COL5A2: variants seen among roughly 807,000 people sequenced by gnomAD.
The protein encoded by COL5A2 is collagen type V alpha 2 chain, also known as collagen alpha-2(V) chain.
Under a neutral mutation model 208.2 loss-of-function variants are expected in COL5A2, and 23 were observed. The ratio of observed to expected loss-of-function variants is 0.11; its 90% confidence interval spans 0.08 to 0.16. The LOEUF is 0.16. Ranked by LOEUF, COL5A2 falls within the 10% of genes least tolerant of loss-of-function variation. The probability of loss-of-function intolerance (pLI) is 1.00; values close to 1 mark genes in which losing one functional copy is unlikely to be tolerated. For missense variants in COL5A2, 1,590 were observed against 1,956.4 expected, an observed-to-expected ratio of 0.81 and a Z score of 3.53; for synonymous variants, 625 against 628.5, an observed-to-expected ratio of 0.99 and a Z score of 0.08.
the COL5A2 span, among the ~76,000 whole-genome samples, chr2:189,237,317 T>C: frequency 3.2e-3 from 483 of 151,788 alleles, 3 homozygotes; most frequent in African/African-American, 0.011. Context: ...TTATTGTTCT[T>C]TCAATTTTAT....
At chr2:189,159,406 T>G (rs762726847) in intron 1 of COL5A2, among the ~76,000 whole-genome samples, 21 of 152,186 alleles carry the variant, frequency 1.4e-4, no homozygotes, top group Non-Finnish European at 2.8e-4. Context: ...AAGCACTCAA[T>G]AAATATTTGG....
the COL5A2 span, among the ~76,000 whole-genome samples, chr2:189,354,865 T>C: frequency 6.6e-6 from 1 of 152,226 alleles, no homozygotes; most frequent in Non-Finnish European, 1.5e-5. Context: ...CTTTTAATTG[T>C]GATGTTAGGG....
the COL5A2 span, among the ~76,000 whole-genome samples, chr2:189,319,915 C>T: frequency 3.3e-5 from 5 of 152,300 alleles, no homozygotes; most frequent in South Asian, 2.1e-4. Context: ...GGCACCCCCC[C>T]AGTAGGGGCA....
intron 1 of COL5A2, among the ~76,000 whole-genome samples, chr2:189,141,939 T>C (rs1233032585): frequency 1.3e-5 from 2 of 152,130 alleles, no homozygotes; most frequent in South Asian, 2.1e-4. Context: ...ATTTAAGATG[T>C]TTTATGGATA....
chr2:189,250,999 C>T, the COL5A2 span, among the ~76,000 whole-genome samples: 1 of 152,110 alleles, frequency 6.6e-6, no homozygotes, highest in East Asian at 1.9e-4. Context: ...GAAGTCTACC[C>T]TGCTTAACGG....
At chr2:189,130,743 T>TA (rs1157283240) in intron 1 of COL5A2, among the ~76,000 whole-genome samples, 7 of 152,126 alleles carry the variant, frequency 4.6e-5, no homozygotes, top group African/African-American at 1.7e-4. Context: ...TATTAGAGTA[T>TA]AAACCAGTCT....
At chr2:189,058,929 G>A (rs1490933230) in intron 31 of COL5A2, 36 bp from the exon 32 acceptor site, 2 of 1,589,456 alleles carry the variant, frequency 1.3e-6, no homozygotes, top group African/African-American at 1.3e-5. Flanking sequence ...TGGAACAAGA[G>A]CTTTGAGTTT....
chr2:189,413,232 A>C, the COL5A2 span, among the ~76,000 whole-genome samples: 2 of 152,184 alleles, frequency 1.3e-5, no homozygotes, highest in Non-Finnish European at 2.9e-5. Context: ...TCAACATACA[A>C]ATTTTTTCCC....
chr2:189,408,386 C>T, the COL5A2 span, among the ~76,000 whole-genome samples: 3 of 152,022 alleles, frequency 2.0e-5, no homozygotes, highest in Admixed American at 6.6e-5. Context: ...TGGTGTGATG[C>T]GGGAAGAAAG....
At chr2:189,272,136 T>C in the COL5A2 span, among the ~76,000 whole-genome samples, 2 of 152,132 alleles carry the variant, frequency 1.3e-5, no homozygotes, top group Non-Finnish European at 2.9e-5. Flanking sequence ...AGAAATACCA[T>C]TTGACCCAGC....
chr2:189,422,488 C>T, the COL5A2 span, among the ~76,000 whole-genome samples: 1 of 152,062 alleles, frequency 6.6e-6, no homozygotes, highest in Non-Finnish European at 1.5e-5. Context: ...TAGCAATGAA[C>T]AGATAATCCA....
rs908529844 is a variant in COL5A2 at position 189,045,716 on chromosome 2, A to T, written c.3309+84T>A. 7.6e-5 allele frequency: 76 copies of T among 998,628 alleles called. 1 individual carries two copies. In the South Asian group the frequency reaches 9.8e-4, roughly 13 times the overall value. 61.9% of individuals were successfully genotyped at this position (998,628 alleles called of 1,614,324 possible). A position where few individuals can be genotyped will look rare whatever the true frequency, so the allele number is the denominator to read the frequency against. ...GTCCTTAACGAAGTGCACATGTATG[A>T]CTATGTGTGTGTGCCTATATGCAGC... On this transcript the variant is annotated intron_variant, in intron 46 of 53. Transcript: ENST00000374866.
At chr2:189,244,146 C>T in the COL5A2 span, among the ~76,000 whole-genome samples, 1 of 152,180 alleles carries the variant, frequency 6.6e-6, no homozygotes, top group African/African-American at 2.4e-5. Context: ...AGACATTTTC[C>T]CCATTGTCTT....
chr2:189,240,397 A>C, the COL5A2 span, among the ~76,000 whole-genome samples: 1 of 152,154 alleles, frequency 6.6e-6, no homozygotes, highest in African/African-American at 2.4e-5. Context: ...TTCCATCATG[A>C]GGGCCTCATC....
In COL5A2 at chr2:189,203,160, T is replaced by C. The variant is rs935152040; in HGVS notation, c.-42+21988A>G. ...AAAGAAATACAATGAGGATATATCA[T>C]GACCGTAATATAATCGCCCTGCCTT... On this transcript the variant is annotated intron_variant, in intron 1 of 10. Coordinates refer to the COL5A2 transcript ENST00000649966. Among the ~76,000 whole-genome samples, 4 of 152,342 alleles carry C rather than the reference T, an allele frequency of 2.6e-5. No individual in the cohort carries two copies. In the South Asian group the frequency reaches 6.2e-4, roughly 24 times the overall value.
At position 189,178,059 on chromosome 2, in the gene COL5A2, T is replaced by TCTTA. The variant is rs575179552; in HGVS notation, c.97+1448_97+1449insTAAG. Among the ~76,000 whole-genome samples, 9 of 152,282 alleles carry TCTTA rather than the reference T, an allele frequency of 5.9e-5. No homozygotes were observed. In the East Asian group the frequency reaches 1.7e-3, roughly 29 times the overall value. On this transcript the variant is annotated intron_variant, in intron 1 of 53. Coordinates refer to ENST00000374866, the MANE Select transcript of COL5A2 (RefSeq NM_000393.5). ...TTTCTGTGTTTTTCTCCTCCTGTTT[T>TCTTA]CTTCTACTTTCTATTCAATTATTTT...
At chr2:189,066,895 G>T in intron 21 of COL5A2, 113 bp from the exon 22 acceptor site, 3 of 800,296 alleles carry the variant, frequency 3.7e-6, no homozygotes, top group Non-Finnish European at 6.7e-6. Context: ...AGTCGGTTTT[G>T]CATCAGTAGT....
the COL5A2 span, among the ~76,000 whole-genome samples, chr2:189,309,923 G>T: frequency 6.6e-6 from 1 of 152,118 alleles, no homozygotes; most frequent in African/African-American, 2.4e-5. Flanking sequence ...TGTTGACCAG[G>T]CTTAGTTACA....
the COL5A2 span, among the ~76,000 whole-genome samples, chr2:189,358,937 C>T: frequency 1.3e-5 from 2 of 151,728 alleles, no homozygotes; most frequent in Non-Finnish European, 2.9e-5. Context: ...TGCAATTTTG[C>T]TAAATTTGTC....
Sources: gnomAD v4.1 joint callset for allele counts (sites outside exome capture counted in the v4.1 genomes callset) on GRCh38, gnomAD v4.1.1 for gene constraint, MANE v1.5 for transcripts, NCBI Gene and HGNC (gene_info 2026-07-23, HGNC 2026-07-21) for gene names.